NUP93: variants seen among roughly 807,000 people sequenced by gnomAD.
The protein encoded by NUP93 is nuclear pore complex protein Nup93.
A neutral mutation model predicts 107.8 loss-of-function variants in NUP93; 55 were observed. The observed-to-expected ratio is 0.51, with a 90% CI of 0.41 to 0.64. The LOEUF (loss-of-function observed/expected upper bound fraction) is 0.64. Ranked by LOEUF, NUP93 falls within the 30% of genes least tolerant of loss-of-function variation. NUP93 has a pLI of 0.00. For synonymous variants in NUP93, 390 were observed against 397.5 expected (o/e 0.98, Z 0.22); for missense variants, 937 against 1,044.7 (o/e 0.90, Z 1.42).
In NUP93 at chr16:56,783,623, C is replaced by G. The variant is rs1237364328; in HGVS notation, c.298-14853C>G. On this transcript the variant is annotated intron_variant, in intron 3 of 21. Coordinates refer to ENST00000308159, the MANE Select transcript of NUP93 (RefSeq NM_014669.5). ...GTCTGAAGTGGGTGGATGCCAGCGC[C>G]TTCATCAGAGCTCCTTAATTTAATG... 4 of 985,278 alleles carry G rather than the reference C, an allele frequency of 4.1e-6. No individual in the cohort carries two copies. The East Asian group carries it at 4.5e-4, about 112-fold the overall frequency. 61.0% of individuals were successfully genotyped at this position (985,278 alleles called of 1,614,324 possible).
intron 18 of NUP93, 108 bp from the exon 19 acceptor site, chr16:56,838,844 C>T: frequency 1.3e-6 from 1 of 776,546 alleles, no homozygotes; most frequent in Non-Finnish European, 2.2e-6. Context: ...AGATTACAGG[C>T]ATGAGCGACC....
chr16:56,789,451 G>A (rs148273816), intron 3 of NUP93, among the ~76,000 whole-genome samples: 2 of 152,266 alleles, frequency 1.3e-5, no homozygotes, highest in South Asian at 2.1e-4. Flanking sequence ...GTACAAAATG[G>A]GACCCAGCAG....
intron 3 of NUP93, among the ~76,000 whole-genome samples, chr16:56,766,214 A>T (rs1048575131): frequency 6.6e-6 from 1 of 152,228 alleles, no homozygotes; most frequent in Non-Finnish European, 1.5e-5. Flanking sequence ...GAGAGTATCA[A>T]TTACCAACTT....
At chr16:56,757,960 A>T (rs760637908) in intron 2 of NUP93, among the ~76,000 whole-genome samples, 12 of 152,050 alleles carry the variant, frequency 7.9e-5, no homozygotes, top group Non-Finnish European at 1.2e-4. Context: ...GTGCTGTACA[A>T]CCCGGGAGGC....
intron 3 of NUP93, among the ~76,000 whole-genome samples, chr16:56,772,477 AG>A (rs1257576099): frequency 2.0e-5 from 3 of 152,218 alleles, no homozygotes; most frequent in Non-Finnish European, 4.4e-5. Context: ...ACACTAAGCT[AG>A]TTCTTTCACC....
intron 3 of NUP93, among the ~76,000 whole-genome samples, chr16:56,787,792 A>G (rs552496766): frequency 2.0e-5 from 3 of 152,178 alleles, no homozygotes; most frequent in Non-Finnish European, 4.4e-5. Flanking sequence ...ATGCATTTCC[A>G]AGGTGGAAAT....
At chr16:56,743,718 G>GC (rs1168003479) in intron 1 of NUP93, among the ~76,000 whole-genome samples, 1 of 152,140 alleles carries the variant, frequency 6.6e-6, no homozygotes, top group African/African-American at 2.4e-5. Context: ...AAAATTGCCA[G>GC]CCCCCTTGAA....
chr16:56,822,571 T>C (rs1279461497), intron 7 of NUP93, among the ~76,000 whole-genome samples: 1 of 149,500 alleles, frequency 6.7e-6, no homozygotes, highest in Non-Finnish European at 1.5e-5. Context: ...TTTCTTTTTT[T>C]TTTTTTGAGT....
chr16:56,818,447 A>G (rs989128256), intron 5 of NUP93, among the ~76,000 whole-genome samples: 3 of 152,302 alleles, frequency 2.0e-5, no homozygotes, highest in South Asian at 2.1e-4. Flanking sequence ...ACTCTTTTTT[A>G]GTTAATCCAA....
In NUP93 at chr16:56,823,593, A is replaced by G. The variant is rs188431588; in HGVS notation, c.655-114A>G. 2.0e-3 allele frequency: 2,441 copies of G among 1,246,866 alleles called. 9 individuals are homozygous for G. Among genetic ancestry groups the G allele is most frequent in the South Asian group, 2.5e-3 (189 of 74,568 alleles). 77.2% of individuals were successfully genotyped at this position (1,246,866 alleles called of 1,614,324 possible). On this transcript the variant is annotated intron_variant, in intron 7 of 21. Coordinates refer to ENST00000308159, the MANE Select transcript of NUP93 (RefSeq NM_014669.5). ...AGCCTAGCCGTCACAGACAGATGACATTAACCTCATCCCCCACCACATTCT... is the reference window on the plus strand; with the variant it reads ...AGCCTAGCCGTCACAGACAGATGACGTTAACCTCATCCCCCACCACATTCT...
At chr16:56,804,099 C>G (rs1178729201) in intron 4 of NUP93, among the ~76,000 whole-genome samples, 1 of 152,122 alleles carries the variant, frequency 6.6e-6, no homozygotes, top group Non-Finnish European at 1.5e-5. Flanking sequence ...GAAATTGAAA[C>G]CCTTGTGCAC....
intron 5 of NUP93, among the ~76,000 whole-genome samples, chr16:56,809,790 A>G (rs1176359216): frequency 6.6e-6 from 1 of 152,188 alleles, no homozygotes. Context: ...ACAGATGCCA[A>G]AGTCATTGTG....
intron 8 of NUP93, among the ~76,000 whole-genome samples, chr16:56,827,069 A>AAAAAAAAGAAAAAAAAAAT (rs1430722800): frequency 8.0e-6 from 1 of 125,664 alleles, no homozygotes; most frequent in Non-Finnish European, 1.7e-5. Flanking sequence ...AAAAAAAAAA[A>AAAAAAAAGAAAAAAAAAAT]TTTTGTTGAG....
chr16:56,817,051 G>A (rs1362432380), intron 5 of NUP93, among the ~76,000 whole-genome samples: 1 of 152,186 alleles, frequency 6.6e-6, no homozygotes, highest in Non-Finnish European at 1.5e-5. Context: ...GATGTGAGAA[G>A]TAGGAATTGG....
At chr16:56,831,788 C>T in intron 10 of NUP93, 54 bp from the exon 11 acceptor site, 1 of 1,574,964 alleles carries the variant, frequency 6.3e-7, no homozygotes, top group South Asian at 1.2e-5. Context: ...TTCAGATGCC[C>T]TTGAGGATTT....
At chr16:56,831,819 T>C (rs2144630805) in intron 10 of NUP93, 23 bp from the exon 11 acceptor site, 1 of 1,611,244 alleles carries the variant, frequency 6.2e-7, no homozygotes, top group South Asian at 1.1e-5. Flanking sequence ...TGTATCTATC[T>C]GTCTGTTCCC....
At chr16:56,772,092 T>C (rs915543391) in intron 3 of NUP93, among the ~76,000 whole-genome samples, 1 of 152,204 alleles carries the variant, frequency 6.6e-6, no homozygotes, top group East Asian at 1.9e-4. Flanking sequence ...TCCCTCTCTC[T>C]GCCACCTGTC....
chr16:56,805,942 G>A (rs1256904917), intron 5 of NUP93, among the ~76,000 whole-genome samples: 1 of 151,176 alleles, frequency 6.6e-6, no homozygotes, highest in Non-Finnish European at 1.5e-5. Flanking sequence ...TGGGGCTTGG[G>A]GCTTTAAATA....
At chr16:56,779,993 A>T (rs1483605543) in intron 3 of NUP93, among the ~76,000 whole-genome samples, 1 of 152,160 alleles carries the variant, frequency 6.6e-6, no homozygotes, top group Non-Finnish European at 1.5e-5. Flanking sequence ...GCTCCAGTAC[A>T]GTATTTATTT....
Sources: gnomAD v4.1 joint callset for allele counts (sites outside exome capture counted in the v4.1 genomes callset) on GRCh38, gnomAD v4.1.1 for gene constraint, MANE v1.5 for transcripts, NCBI Gene and HGNC (gene_info 2026-07-23, HGNC 2026-07-21) for gene names.